The following EGFR variants were observed in gnomAD, a reference collection of about 807,000 sequenced individuals.
EGFR encodes epidermal growth factor receptor, also known as avian erythroblastic leukemia viral (v-erb-b) oncogene homolog.
A neutral mutation model predicts 143.0 loss-of-function variants in EGFR; 58 were observed. The observed-to-expected ratio is 0.41, with a 90% confidence interval of 0.33 to 0.50. The LOEUF is 0.50. EGFR is among the 20% of genes least tolerant of loss of function. The probability of loss-of-function intolerance (pLI) is 0.39; values close to 1 mark genes in which losing one functional copy is unlikely to be tolerated. For missense variants in EGFR, 1,307 were observed against 1,579.0 expected, an observed-to-expected ratio of 0.83 and a Z score of 2.92; for synonymous variants, 613 against 594.4, an observed-to-expected ratio of 1.03 and a Z score of -0.45.
intron 4 of EGFR, 81 bp from the exon 5 acceptor site, chr7:55,151,213 G>A: frequency 7.3e-6 from 10 of 1,362,450 alleles, no homozygotes; most frequent in Non-Finnish European, 1.1e-5. Flanking sequence ...TATTGAATGT[G>A]CTTAACTCAG....
Position 55,044,889 on chromosome 7 carries a change from G to A in EGFR, c.88+25524G>A, listed in dbSNP as rs561862941. Among the ~76,000 whole-genome samples, 6 of 152,316 alleles carry A rather than the reference G, an allele frequency of 3.9e-5. No homozygotes were observed. In the South Asian group the frequency reaches 1.2e-3, roughly 32 times the overall value. On this transcript the variant is annotated intron_variant, in intron 1 of 27. Transcript: ENST00000275493. ...TCTCTTATTTAACGAGGTCCACAGA[G>A]GTTCTGCGATTGTCTAAGAAAGAAG... is the stretch of plus-strand genomic sequence containing the variant.
intron 1 of EGFR, among the ~76,000 whole-genome samples, chr7:55,128,801 G>C (rs1358912427): frequency 6.6e-6 from 1 of 152,064 alleles, no homozygotes; most frequent in Non-Finnish European, 1.5e-5. Context: ...AAAACCTAGG[G>C]GAGACCAAAG....
chr7:55,057,875 G>A (rs531305753), intron 1 of EGFR, among the ~76,000 whole-genome samples: 1 of 152,320 alleles, frequency 6.6e-6, no homozygotes, highest in Admixed American at 6.5e-5. Context: ...TGAGATCTGT[G>A]ACACTGAAGC....
rs1584239177 is a variant in EGFR, at chr7:55,181,535, C to T, written c.2469+57C>T. The stretch of plus-strand genomic sequence containing the variant: ...GATAAGGAGCCAGGATCCTCACATG[C>T]GGTCTGCGCTCCTGGGATAGCAAGA... On this transcript the variant is annotated intron_variant, in intron 20 of 27. Transcript: ENST00000275493. 11 of 1,605,336 alleles carry T rather than the reference C, an allele frequency of 6.9e-6. No individual in the cohort carries two copies. The South Asian group carries it at 7.7e-5, about 11-fold the overall frequency.
chr7:55,077,689 C>T (rs7809394), intron 1 of EGFR, among the ~76,000 whole-genome samples: 21,421 of 152,206 alleles, frequency 0.14, 1,861 homozygotes, highest in Non-Finnish European at 0.19. Context: ...AACTAGGAAA[C>T]AGGCGGTGCA....
At chr7:55,022,212 C>T (rs2128856325) in intron 1 of EGFR, among the ~76,000 whole-genome samples, 1 of 152,224 alleles carries the variant, frequency 6.6e-6, no homozygotes, top group South Asian at 2.1e-4. Context: ...AAAGCCCTGC[C>T]TCTTACAGGA....
At chr7:55,098,990 G>A (rs1238796839) in intron 1 of EGFR, among the ~76,000 whole-genome samples, 1 of 152,214 alleles carries the variant, frequency 6.6e-6, no homozygotes, top group African/African-American at 2.4e-5. Flanking sequence ...GGAAAGTGAT[G>A]AGAACCTGGC....
intron 19 of EGFR, among the ~76,000 whole-genome samples, chr7:55,175,338 T>C (rs1365730980): frequency 6.6e-6 from 1 of 152,362 alleles, no homozygotes; most frequent in South Asian, 2.1e-4. Context: ...CCACCTTCTG[T>C]ACTTTCTCTC....
chr7:55,147,248 C>G (rs1794815465), intron 4 of EGFR, among the ~76,000 whole-genome samples: 1 of 152,220 alleles, frequency 6.6e-6, no homozygotes, highest in African/African-American at 2.4e-5. Flanking sequence ...GTGGCCTGGT[C>G]CCTGTCCCAT....
intron 1 of EGFR, among the ~76,000 whole-genome samples, chr7:55,114,879 CTTTTT>C (rs777244842): frequency 1.6e-5 from 2 of 122,770 alleles, no homozygotes; most frequent in African/African-American, 6.2e-5. Context: ...TTGTATTATT[CTTTTT>C]TTTTTTTTTT....
chr7:55,121,239 ACT>A (rs1793184250), intron 1 of EGFR, among the ~76,000 whole-genome samples: 1 of 152,122 alleles, frequency 6.6e-6, no homozygotes, highest in Non-Finnish European at 1.5e-5. Flanking sequence ...GAGGGATAAA[ACT>A]CTGATATGGA....
chr7:55,187,393 T>A (rs1787187576), intron 20 of EGFR, among the ~76,000 whole-genome samples: 1 of 152,128 alleles, frequency 6.6e-6, no homozygotes, highest in Non-Finnish European at 1.5e-5. Context: ...CTTGCCAAGA[T>A]CTCAGGATTT....
chr7:55,150,855 C>G (rs1228993878), intron 4 of EGFR, among the ~76,000 whole-genome samples: 1 of 152,216 alleles, frequency 6.6e-6, no homozygotes, highest in Non-Finnish European at 1.5e-5. Context: ...CAGGCTATGA[C>G]TTAACAATCC....
chr7:55,196,284 C>G (rs892850248), intron 22 of EGFR, among the ~76,000 whole-genome samples: 1 of 147,104 alleles, frequency 6.8e-6, no homozygotes, highest in Non-Finnish European at 1.5e-5. Context: ...ATGTTAAGCT[C>G]TTTTTCATAT....
intron 12 of EGFR, among the ~76,000 whole-genome samples, chr7:55,160,881 C>T (rs956632922): frequency 2.0e-5 from 3 of 152,212 alleles, no homozygotes; most frequent in Non-Finnish European, 4.4e-5. Flanking sequence ...CTTCCTCATC[C>T]ATAGAATGGA....
At chr7:55,191,170 A>G (rs17337310) in intron 20 of EGFR, among the ~76,000 whole-genome samples, 4,797 of 152,236 alleles carry the variant, frequency 0.032, 239 homozygotes, top group African/African-American at 0.11. Context: ...TTCTAAAAGC[A>G]TTTTCAGTAT....
At chr7:55,161,389 G>A in intron 12 of EGFR, 110 bp from the exon 13 acceptor site, 1 of 1,427,826 alleles carries the variant, frequency 7.0e-7, no homozygotes, top group Non-Finnish European at 9.3e-7. Context: ...GCATGTCTGT[G>A]TCACCCAAGG....
intron 3 of EGFR, among the ~76,000 whole-genome samples, chr7:55,143,745 T>C (rs1201622377): frequency 6.6e-6 from 1 of 152,018 alleles, no homozygotes; most frequent in African/African-American, 2.4e-5. Flanking sequence ...TAGTAAGAAA[T>C]CGTAAAGATT....
At chr7:55,108,575 G>A (rs1195327354) in intron 1 of EGFR, among the ~76,000 whole-genome samples, 3 of 152,188 alleles carry the variant, frequency 2.0e-5, no homozygotes, top group South Asian at 2.1e-4. Context: ...AAGGCAAGTC[G>A]CCATGCCTGG....
Sources: allele counts gnomAD v4.1 joint callset (sites outside exome capture counted in the v4.1 genomes callset), GRCh38; gene constraint gnomAD v4.1.1; transcripts MANE v1.5; gene names NCBI Gene and HGNC (gene_info 2026-07-23, HGNC 2026-07-21).